The following LHFPL6 variants were observed in gnomAD, a reference collection of about 807,000 sequenced individuals.
LHFPL6 encodes LHFPL tetraspan subfamily member 6 protein.
LHFPL6 carries 9 observed loss-of-function variants against 20.6 expected under a neutral mutation model. The observed-to-expected ratio is 0.44, with a 90% CI of 0.26 to 0.76. The LOEUF (loss-of-function observed/expected upper bound fraction) is 0.76, where lower values mean the gene tolerates loss of function less well. Among genes scored for constraint, LHFPL6 ranks in the 30% least tolerant of loss-of-function variants. The pLI, the probability that LHFPL6 is intolerant of heterozygous loss-of-function variation, is 0.20. For missense variants in LHFPL6, 218 were observed against 253.5 expected (o/e 0.86, Z 0.95); for synonymous variants, 105 against 98.7 (o/e 1.06, Z -0.38).
intron 2 of LHFPL6, among the ~76,000 whole-genome samples, chr13:39,455,490 A>G (rs1872548532): frequency 6.6e-6 from 1 of 152,208 alleles, no homozygotes; most frequent in Non-Finnish European, 1.5e-5. Flanking sequence ...ACCAAATCCC[A>G]TCTTCCATTT....
intron 3 of LHFPL6, among the ~76,000 whole-genome samples, chr13:39,364,289 ACTTCC>A (rs1388218863): frequency 6.6e-6 from 1 of 152,160 alleles, no homozygotes; most frequent in East Asian, 1.9e-4. Flanking sequence ...AACTCTCTGC[ACTTCC>A]CCTCTTATCT....
intron 2 of LHFPL6, among the ~76,000 whole-genome samples, chr13:39,438,564 G>C (rs925900103): frequency 6.6e-6 from 1 of 152,238 alleles, no homozygotes; most frequent in African/African-American, 2.4e-5. Context: ...GGCCTTGAAG[G>C]CATTTCAGAG....
intron 3 of LHFPL6, among the ~76,000 whole-genome samples, chr13:39,373,553 G>C (rs1870213544): frequency 6.6e-6 from 1 of 152,204 alleles, no homozygotes; most frequent in South Asian, 2.1e-4. Context: ...CAGCGTACTA[G>C]GGTAATTGGA....
At chr13:39,562,697 T>C (rs35801450) in intron 2 of LHFPL6, among the ~76,000 whole-genome samples, 49,064 of 142,478 alleles carry the variant, frequency 0.34, 9,464 homozygotes, top group Non-Finnish European at 0.43. Flanking sequence ...CACACACACA[T>C]ATATATATAT....
intron 2 of LHFPL6, among the ~76,000 whole-genome samples, chr13:39,460,795 G>A (rs1402006646): frequency 6.6e-6 from 1 of 152,174 alleles, no homozygotes; most frequent in Non-Finnish European, 1.5e-5. Flanking sequence ...TTTAAAACAA[G>A]ACGTCCTTTC....
At chr13:39,469,788 A>T (rs1311326786) in intron 2 of LHFPL6, among the ~76,000 whole-genome samples, 1 of 152,240 alleles carries the variant, frequency 6.6e-6, no homozygotes, top group Non-Finnish European at 1.5e-5. Flanking sequence ...TTTGCTGAAC[A>T]TCTGCTGGGT....
intron 2 of LHFPL6, among the ~76,000 whole-genome samples, chr13:39,559,854 G>A (rs764327974): frequency 2.0e-5 from 3 of 152,112 alleles, no homozygotes; most frequent in Non-Finnish European, 4.4e-5. Flanking sequence ...GGAGTACTAC[G>A]GCAGTCCCCC....
chr13:39,571,618 C>A (rs1259007068), intron 2 of LHFPL6, among the ~76,000 whole-genome samples: 4 of 152,042 alleles, frequency 2.6e-5, no homozygotes, highest in South Asian at 4.1e-4. Flanking sequence ...GAGCTCGGGA[C>A]CCACTGATTG....
At chr13:39,483,299 C>T (rs1198885095) in intron 2 of LHFPL6, among the ~76,000 whole-genome samples, 1 of 152,102 alleles carries the variant, frequency 6.6e-6, no homozygotes, top group Non-Finnish European at 1.5e-5. Context: ...CCCTCCTTGG[C>T]TATTTCTTTC....
intron 2 of LHFPL6, among the ~76,000 whole-genome samples, chr13:39,406,692 A>G (rs9566421): frequency 0.27 from 41,771 of 152,122 alleles, 6,067 homozygotes; most frequent in East Asian, 0.4. Flanking sequence ...ACAGTGTTCA[A>G]TGAAAATACT....
Position 39,452,735 on chromosome 13 carries a change from C to T in LHFPL6, c.386-74209G>A, listed in dbSNP as rs1053702831. ...CTGTAATTCAAGCTAAAGGAAGAGC[C>T]GCAAGAATAATGGCCAATGCATAAA... On this transcript the variant is annotated intron_variant, in intron 2 of 3. Coordinates refer to ENST00000379589, the MANE Select transcript of LHFPL6 (RefSeq NM_005780.3). Among the ~76,000 whole-genome samples, 54 of 152,098 alleles carry T rather than the reference C, an allele frequency of 3.6e-4. 1 individual carries two copies. The highest frequency in any genetic ancestry group is 3.5e-3 in the Admixed American group (53 of 15,256).
chr13:39,374,615 T>C lies in LHFPL6; in HGVS notation c.484+3813A>G, dbSNP rs549140622. Among the ~76,000 whole-genome samples, 98 of 152,254 alleles carry C rather than the reference T, an allele frequency of 6.4e-4. 3 individuals carry two copies. In the South Asian group the frequency reaches 0.019, roughly 30 times the overall value. ...AGTTAAGTAGCTGCAATAGAGACCA[T>C]ATAACTCACAAAGCGGAAGATATTA... On this transcript the variant is annotated intron_variant, in intron 3 of 3. Coordinates refer to ENST00000379589, the MANE Select transcript of LHFPL6 (RefSeq NM_005780.3).
intron 2 of LHFPL6, among the ~76,000 whole-genome samples, chr13:39,500,641 A>T (rs974494799): frequency 6.6e-6 from 1 of 152,198 alleles, no homozygotes; most frequent in African/African-American, 2.4e-5. Context: ...ATTAACAAGG[A>T]TGTCATTCCC....
At position 39,567,029 on chromosome 13, in the gene LHFPL6, G is replaced by GTTT. The variant is rs373103461; in HGVS notation, c.385+33800_385+33802dup. ...AAGCACTGAATAAATGTTAGCCAGG[G>GTTT]TTTTTTTTTTTTTTTCATTTTTGTT... On this transcript the variant is annotated intron_variant, in intron 2 of 3. Coordinates refer to ENST00000379589, the MANE Select transcript of LHFPL6 (RefSeq NM_005780.3). Among the ~76,000 whole-genome samples the GTTT allele has an allele frequency of 3.4e-3, 425 of 123,366 alleles. 1 individual carries two copies. Among genetic ancestry groups the GTTT allele is most frequent in the Admixed American group, 4.8e-3 (60 of 12,388 alleles). The allele number at this position is 123,366 out of a possible 152,430, so 80.9% of individuals were successfully genotyped here. A position where few individuals can be genotyped will look rare whatever the true frequency, so the allele number is the denominator to read the frequency against.
At chr13:39,433,785 A>T (rs1183181533) in intron 2 of LHFPL6, among the ~76,000 whole-genome samples, 1 of 152,222 alleles carries the variant, frequency 6.6e-6, no homozygotes, top group Non-Finnish European at 1.5e-5. Flanking sequence ...TCAGCCTAAA[A>T]GTATAAGAAT....
intron 2 of LHFPL6, among the ~76,000 whole-genome samples, chr13:39,574,482 CAAAAA>C (rs796821570): frequency 6.7e-5 from 4 of 59,944 alleles, no homozygotes; most frequent in Admixed American, 1.9e-4. Context: ...GACTCCGTCT[CAAAAA>C]AAAAAAAAAA....
intron 2 of LHFPL6, among the ~76,000 whole-genome samples, chr13:39,484,161 G>A (rs1484900442): frequency 6.6e-6 from 1 of 152,028 alleles, no homozygotes; most frequent in Non-Finnish European, 1.5e-5. Context: ...TCTCCACCCG[G>A]TTTCAGATTC....
At chr13:39,473,721 G>A (rs913890449) in intron 2 of LHFPL6, among the ~76,000 whole-genome samples, 2 of 152,122 alleles carry the variant, frequency 1.3e-5, no homozygotes, top group African/African-American at 4.8e-5. Context: ...TTGGCCAATT[G>A]CGTTACCAAT....
chr13:39,478,126 T>C (rs1873126748), intron 2 of LHFPL6, among the ~76,000 whole-genome samples: 1 of 152,210 alleles, frequency 6.6e-6, no homozygotes, highest in Non-Finnish European at 1.5e-5. Flanking sequence ...GCACTTACTG[T>C]GTGCAGCACT....
Sources: allele counts gnomAD v4.1 joint callset (sites outside exome capture counted in the v4.1 genomes callset), GRCh38; gene constraint gnomAD v4.1.1; transcripts MANE v1.5; gene names NCBI Gene and HGNC (gene_info 2026-07-23, HGNC 2026-07-21).